Variants in TPD52 observed in about 807,000 individuals in gnomAD.
TPD52 encodes the protein prostate and colon associated protein.
TPD52 carries 17 observed loss-of-function variants against 31.3 expected under a neutral mutation model. The observed-to-expected ratio is 0.54, with a 90% CI of 0.37 to 0.82. TPD52 has a LOEUF of 0.82. Ranked by LOEUF, TPD52 falls within the 40% of genes least tolerant of loss-of-function variation. TPD52 has a pLI of 0.00. For missense variants in TPD52, 212 were observed against 240.1 expected, an observed-to-expected ratio of 0.88 and a Z score of 0.77; for synonymous variants, 83 against 89.6, an observed-to-expected ratio of 0.93 and a Z score of 0.42.
In TPD52 at chr8:80,051,562, A is replaced by C; in HGVS notation, c.351T>G (p.Val117=). ...GQKASAAFSS[V]GSVITKKLED... Reference sequence around the variant, plus strand: ...CCAGCTTTTTGGTGATGACTGAGCCAACAGACGAAAAAGCAGCTGAGGCCT... The same window carrying C: ...CCAGCTTTTTGGTGATGACTGAGCCCACAGACGAAAAAGCAGCTGAGGCCT... The change falls in exon 4 of 8, where the codon GTT becomes GTG. Residue 117 remains valine (V), a synonymous_variant. Coordinates refer to ENST00000518937, the MANE Select transcript of TPD52 (RefSeq NM_001025253.3). The C allele has an allele frequency of 6.2e-7, 1 of 1,613,804 alleles. No individual in the cohort carries two copies.
chr8:80,102,903 C>T (rs900988332), intron 1 of TPD52, among the ~76,000 whole-genome samples: 1 of 152,124 alleles, frequency 6.6e-6, no homozygotes, highest in Non-Finnish European at 1.5e-5. Flanking sequence ...AAAGTTTCCA[C>T]AAACAAACAA....
At chr8:80,113,268 G>GAAA (rs59954096) in intron 1 of TPD52, among the ~76,000 whole-genome samples, 1 of 106,156 alleles carries the variant, frequency 9.4e-6, no homozygotes, top group Non-Finnish European at 2.2e-5. Flanking sequence ...TTGTCAAAAA[G>GAAA]AAAAAAAAAA....
In TPD52 at chr8:80,064,593, C is replaced by A. The variant is rs1228817011; in HGVS notation, c.20G>T (p.Gly7Val). 2.8e-5 allele frequency: 45 copies of A among 1,613,032 alleles called. No homozygotes were observed. The highest frequency in any genetic ancestry group is 3.7e-5 in the Non-Finnish European group (44 of 1,179,188). MDRGEQ[G>V]LLRTDPVPEE... ...AGGGACTGGGTCTGTTCTCAGCAGACCTGGTTGGGGATTTAAACCATTTTT... is the reference window on the plus strand; with the variant it reads ...AGGGACTGGGTCTGTTCTCAGCAGAACTGGTTGGGGATTTAAACCATTTTT... Residue 7 changes from glycine (G) to valine (V), a missense_variant and splice_region_variant, in exon 2 of 8, where the codon GGT (glycine) becomes GTT (valine). Gly to Val is a moderately radical substitution (Grantham distance 109). Coordinates refer to ENST00000518937, the MANE Select transcript of TPD52 (RefSeq NM_001025253.3).
At chr8:80,159,232 T>TC (rs1336939772) in intron 1 of TPD52, among the ~76,000 whole-genome samples, 4 of 152,196 alleles carry the variant, frequency 2.6e-5, no homozygotes, top group Non-Finnish European at 4.4e-5. Flanking sequence ...TAGTGACTTA[T>TC]CCAATGTCTC....
At chr8:80,132,733 G>A (rs1586362819) in intron 1 of TPD52, among the ~76,000 whole-genome samples, 1 of 152,250 alleles carries the variant, frequency 6.6e-6, no homozygotes, top group East Asian at 1.9e-4. Flanking sequence ...GGGAGCTGAT[G>A]GCGCCAGAAG....
downstream of TPD52, among the ~76,000 whole-genome samples, chr8:80,031,633 G>T (rs1809695988): frequency 6.6e-6 from 1 of 151,920 alleles, no homozygotes; most frequent in South Asian, 2.1e-4. Flanking sequence ...TGAGGAGGGA[G>T]GATTGCTTGA....
chr8:80,148,709 G>GT (rs1810372815), intron 1 of TPD52, among the ~76,000 whole-genome samples: 1 of 152,096 alleles, frequency 6.6e-6, no homozygotes, highest in African/African-American at 2.4e-5. Flanking sequence ...GGGAACATCA[G>GT]TTACTCCAAT....
chr8:80,092,053 T>G (rs776161821), intron 1 of TPD52, among the ~76,000 whole-genome samples: 1 of 152,234 alleles, frequency 6.6e-6, no homozygotes, highest in Non-Finnish European at 1.5e-5. Context: ...TATGTGTACA[T>G]GTATATGGGG....
At chr8:80,151,894 G>A (rs1486102490) in intron 1 of TPD52, among the ~76,000 whole-genome samples, 1 of 152,150 alleles carries the variant, frequency 6.6e-6, no homozygotes, top group African/African-American at 2.4e-5. Context: ...AGGTCATTTA[G>A]TAATACATCC....
At position 80,054,898 on chromosome 8, in the gene TPD52, T is replaced by C. The variant is rs151300086; in HGVS notation, c.136-1468A>G. On this transcript the variant is annotated intron_variant, in intron 2 of 7. Transcript: ENST00000518937. ...TGTAAGTCACATTTTAAGATGTACA[T>C]TGACGAAGTGGAATACGAGAAGAAA... 1.4e-3 allele frequency among the ~76,000 whole-genome samples: 216 copies of C among 152,246 alleles called. 1 individual carries two copies. Among genetic ancestry groups the C allele is most frequent in the African/African-American group, 5.0e-3 (206 of 41,534 alleles).
At chr8:80,034,583 A>G (rs920285553), downstream of TPD52, among the ~76,000 whole-genome samples, 1 of 152,242 alleles carries the variant, frequency 6.6e-6, no homozygotes, top group African/African-American at 2.4e-5. Context: ...TAAGGGGATC[A>G]TGTAGAAGAT....
intron 1 of TPD52, among the ~76,000 whole-genome samples, chr8:80,095,664 A>T (rs1018097653): frequency 6.6e-6 from 1 of 151,024 alleles, no homozygotes; most frequent in Non-Finnish European, 1.5e-5. Flanking sequence ...TACAAAGACT[A>T]GGCCGGGTGC....
At chr8:80,044,049 C>A in intron 6 of TPD52, 118 bp downstream of exon 6, 1 of 836,790 alleles carries the variant, frequency 1.2e-6, no homozygotes, top group South Asian at 1.7e-5. Context: ...GAGTGTTAAA[C>A]ACACAGCTTG....
chr8:80,131,589 C>T (rs1586360716), intron 1 of TPD52, among the ~76,000 whole-genome samples: 1 of 152,160 alleles, frequency 6.6e-6, no homozygotes, highest in African/African-American at 2.4e-5. Flanking sequence ...AGCAAGAGTC[C>T]TGGGCCACTA....
In TPD52 at chr8:80,096,289, CAA is replaced by C. The variant is rs1340395165; in HGVS notation, c.20-31698_20-31697del. Among the ~76,000 whole-genome samples the C allele has an allele frequency of 6.7e-4, 77 of 114,308 alleles. No individual in the cohort carries two copies. In the East Asian group the frequency reaches 0.02, roughly 30 times the overall value. The allele number at this position is 114,308 out of a possible 152,430, so 75.0% of individuals were successfully genotyped here. ...ATAAAGACTATCAAACACACACACACAAACACACACACACACACACACACACA... is the reference window on the plus strand; with the variant it reads ...ATAAAGACTATCAAACACACACACACACACACACACACACACACACACACA... On this transcript the variant is annotated intron_variant, in intron 1 of 7. Transcript: ENST00000518937.
chr8:80,139,514 G>C (rs1289224868), intron 1 of TPD52, among the ~76,000 whole-genome samples: 1 of 151,858 alleles, frequency 6.6e-6, no homozygotes, highest in Non-Finnish European at 1.5e-5. Flanking sequence ...ATATGGTCCA[G>C]ATTAATACAG....
At chr8:80,118,253 A>C (rs1808013197) in intron 1 of TPD52, among the ~76,000 whole-genome samples, 1 of 152,202 alleles carries the variant, frequency 6.6e-6, no homozygotes, top group Non-Finnish European at 1.5e-5. Context: ...ATGGATAGCC[A>C]CATGCAAAAG....
At chr8:80,063,977 GGGGAGGGA>G (rs1264047784) in intron 2 of TPD52, among the ~76,000 whole-genome samples, 5 of 138,570 alleles carry the variant, frequency 3.6e-5, no homozygotes, top group African/African-American at 1.4e-4. Context: ...GGAAGAAGGA[GGGGAGGGA>G]GGGAGGGGAA....
chr8:80,076,006 A>T (rs1814492658), intron 1 of TPD52, among the ~76,000 whole-genome samples: 2 of 152,336 alleles, frequency 1.3e-5, no homozygotes, highest in Non-Finnish European at 1.5e-5. Flanking sequence ...GTCTTTCTAG[A>T]GTATCAAATA....
Sources: allele counts gnomAD v4.1 joint callset (sites outside exome capture counted in the v4.1 genomes callset), GRCh38; gene constraint gnomAD v4.1.1; transcripts MANE v1.5; gene names NCBI Gene and HGNC (gene_info 2026-07-23, HGNC 2026-07-21).